Variants in CACNA2D2 observed in about 807,000 individuals in gnomAD.
CACNA2D2 encodes calcium voltage-gated channel auxiliary subunit alpha2delta 2, also known as voltage-dependent calcium channel subunit alpha-2/delta-2.
Under a neutral mutation model 166.4 loss-of-function variants are expected in CACNA2D2, and 48 were observed. That is an observed-to-expected ratio of 0.29 (90% confidence interval 0.23 to 0.37). The LOEUF is 0.37. CACNA2D2 is among the 10% of genes least tolerant of loss of function. CACNA2D2 has a pLI of 1.00. For synonymous variants in CACNA2D2, 561 were observed against 573.7 expected (o/e 0.98, Z 0.32); for missense variants, 1,122 against 1,433.0 (o/e 0.78, Z 3.50).
At chr3:50,455,947 T>C (rs1040033404) in intron 2 of CACNA2D2, among the ~76,000 whole-genome samples, 1 of 152,108 alleles carries the variant, frequency 6.6e-6, no homozygotes, top group Non-Finnish European at 1.5e-5. Context: ...TCCCCAGCTA[T>C]GCATTGTCAA....
At chr3:50,399,430 G>A (rs573475326) in intron 3 of CACNA2D2, among the ~76,000 whole-genome samples, 1 of 152,326 alleles carries the variant, frequency 6.6e-6, no homozygotes, top group Non-Finnish European at 1.5e-5. Context: ...TTGAGATCTA[G>A]GGCACTGAGG....
In CACNA2D2 at chr3:50,364,609, T is replaced by G. The variant is rs1229200250; in HGVS notation, c.*57A>C. 34 of 1,398,972 alleles carry G rather than the reference T, an allele frequency of 2.4e-5. No individual in the cohort carries two copies. The highest frequency in any genetic ancestry group is 2.6e-4 in the Middle Eastern group (1 of 3,916). The allele number at this position is 1,398,972 out of a possible 1,614,324, so 86.7% of individuals were successfully genotyped here. A position where few individuals can be genotyped will look rare whatever the true frequency, so the allele number is the denominator to read the frequency against. The stretch of plus-strand genomic sequence containing the variant: ...AGGCGGGGAGTGTGGGGCAGGAGGG[T>G]GGGAAAGGCGAAGAGGCCGGGTGAG... On this transcript the variant is annotated 3_prime_UTR_variant, in exon 38 of 38. Transcript: ENST00000424201.
rs761580133 is a variant in CACNA2D2, at chr3:50,365,036, G to T, written c.3208+39C>A. On this transcript the variant is annotated intron_variant, in intron 36 of 37. Coordinates refer to ENST00000424201, the MANE Select transcript of CACNA2D2 (RefSeq NM_006030.4). This position sits in a 1 kb window ranked among gnomAD's most constrained non-coding sequence, Gnocchi z 4.5. The stretch of plus-strand genomic sequence containing the variant: ...CGGCACGGAGGGGGCGCGCGGGGCA[G>T]AGGGGGAGCGGGCGGCGGGGAGGGC... The T allele has an allele frequency of 1.3e-6, 2 of 1,597,116 alleles. No individual in the cohort carries two copies. The highest frequency in any genetic ancestry group is 2.7e-5 in the African/African-American group (2 of 74,574).
intron 3 of CACNA2D2, among the ~76,000 whole-genome samples, chr3:50,410,480 T>TGG (rs34908525): frequency 0.069 from 9,670 of 141,046 alleles, 962 homozygotes; most frequent in African/African-American, 0.21. Context: ...CTCCCTGGGA[T>TGG]GGGGGGGGGG....
chr3:50,440,623 G>A (rs1365416203), intron 2 of CACNA2D2, among the ~76,000 whole-genome samples: 2 of 152,230 alleles, frequency 1.3e-5, no homozygotes, highest in African/African-American at 4.8e-5. Flanking sequence ...CTACAGTGGA[G>A]GTCACACAGC....
intron 2 of CACNA2D2, among the ~76,000 whole-genome samples, chr3:50,472,563 G>A (rs1575743629): frequency 6.6e-6 from 1 of 151,830 alleles, no homozygotes; most frequent in African/African-American, 2.4e-5. Flanking sequence ...AATGCATCCC[G>A]GGGCTGGCAT....
Position 50,364,598 on chromosome 3 carries a change from G to T in CACNA2D2, c.*68C>A. ...ACGAGGCTCTAAGGCGGGGAGTGTG[G>T]GGCAGGAGGGTGGGAAAGGCGAAGA... is the stretch of plus-strand genomic sequence containing the variant. On this transcript the variant is annotated 3_prime_UTR_variant, in exon 38 of 38. Transcript: ENST00000424201. 2 of 1,440,656 alleles carry T rather than the reference G, an allele frequency of 1.4e-6. No individual in the cohort carries two copies. 89.2% of individuals were successfully genotyped at this position (1,440,656 alleles called of 1,614,324 possible).
At chr3:50,472,450 C>G (rs887963330) in intron 2 of CACNA2D2, among the ~76,000 whole-genome samples, 10 of 152,258 alleles carry the variant, frequency 6.6e-5, no homozygotes, top group South Asian at 2.1e-4. Flanking sequence ...TGCTTCTAGC[C>G]CAGCTCTGGC....
chr3:50,399,174 G>A (rs1056442809), intron 3 of CACNA2D2, among the ~76,000 whole-genome samples: 4 of 152,168 alleles, frequency 2.6e-5, no homozygotes, highest in East Asian at 1.9e-4. Flanking sequence ...CCCCAGGCTA[G>A]GTGCTCCACA....
rs746661890 is a variant in CACNA2D2 at position 50,379,251 on chromosome 3, G to C, written c.1153-52C>G. 17 of 1,526,412 alleles carry C rather than the reference G, an allele frequency of 1.1e-5. No homozygotes were observed. In the East Asian group the frequency reaches 1.4e-4, roughly 12 times the overall value. 94.6% of individuals were successfully genotyped at this position (1,526,412 alleles called of 1,614,324 possible). A position where few individuals can be genotyped will look rare whatever the true frequency, so the allele number is the denominator to read the frequency against. On this transcript the variant is annotated intron_variant, in intron 11 of 37. Transcript: ENST00000424201. The surrounding 1 kb of genome is among the most constrained non-coding windows in gnomAD (Gnocchi z 6.5). ...AGCTCTCAGCCCTCCCTGGTCCAGG[G>C]GCAGGGCCTCCCTCCCGCAGTGGGC... is the stretch of plus-strand genomic sequence containing the variant.
intron 3 of CACNA2D2, among the ~76,000 whole-genome samples, chr3:50,408,341 C>T (rs1706822149): frequency 6.6e-6 from 1 of 152,216 alleles, no homozygotes; most frequent in Non-Finnish European, 1.5e-5. Context: ...TAGGCTGTCA[C>T]TCTGCTGGAT....
chr3:50,460,146 A>C (rs1431202717), intron 2 of CACNA2D2, among the ~76,000 whole-genome samples: 1 of 152,246 alleles, frequency 6.6e-6, no homozygotes, highest in East Asian at 1.9e-4. Flanking sequence ...TGTTTTTTAA[A>C]ATTAAAGAAA....
At position 50,503,386 on chromosome 3, in the gene CACNA2D2, G is replaced by T; in HGVS notation, c.38C>A (p.Pro13His). 4.0e-6 allele frequency: 1 copy of T among 248,736 alleles called. No homozygotes were observed. The highest frequency in any genetic ancestry group is 7.6e-6 in the Non-Finnish European group (1 of 132,098). The allele number at this position is 248,736 out of a possible 1,614,324, so 15.4% of individuals were successfully genotyped here. Residue 13 changes from proline to histidine, a missense_variant, in exon 1 of 38, where the codon CCC becomes CAC. Physicochemically the swap from Pro to His is moderately conservative, Grantham distance 77 (BLOSUM62 -2). Coordinates refer to ENST00000424201, the MANE Select transcript of CACNA2D2 (RefSeq NM_006030.4). ...GGGGCGCGCAGTCCGCGCTGGGCCG[G>T]GCCGAGAGGCGCCGCAGGTCCGAGC... ...VPARTCGASR[P>H]GPARTARPWP...
intron 22 of CACNA2D2, among the ~76,000 whole-genome samples, chr3:50,373,435 G>A (rs944578399): frequency 7.0e-6 from 1 of 143,660 alleles, no homozygotes; most frequent in East Asian, 2.2e-4. Context: ...GGCCCAGGAT[G>A]AGCAGGGCAT....
intron 1 of CACNA2D2, among the ~76,000 whole-genome samples, chr3:50,479,601 T>C (rs751593642): frequency 6.6e-6 from 1 of 152,218 alleles, no homozygotes; most frequent in Non-Finnish European, 1.5e-5. Flanking sequence ...ACCTGCACTG[T>C]TCCTGCCTTG....
In CACNA2D2 at chr3:50,366,297, C is replaced by T. The variant is rs2109403510; in HGVS notation, c.2679G>A (p.Val893=). The T allele has an allele frequency of 1.2e-6, 2 of 1,614,096 alleles. No individual in the cohort carries two copies. The highest frequency in any genetic ancestry group is 1.7e-6 in the Non-Finnish European group (2 of 1,180,008). ...CVLIDDGGFL[V]LSNQNHQWDQ... is the part of the protein sequence containing the mutation. Reference sequence around the variant, plus strand: ...CCCACTGATGGTTCTGGTTTGACAGCACCAGGAATCCTCCATCATCAATGA... The same window carrying T: ...CCCACTGATGGTTCTGGTTTGACAGTACCAGGAATCCTCCATCATCAATGA... The change falls in exon 31 of 38, where the codon GTG becomes GTA. Residue 893 remains valine, a synonymous_variant. Coordinates refer to ENST00000424201, the MANE Select transcript of CACNA2D2 (RefSeq NM_006030.4). The surrounding 1 kb of genome is among the most constrained non-coding windows in gnomAD (Gnocchi z 5.9).
intron 3 of CACNA2D2, among the ~76,000 whole-genome samples, chr3:50,416,432 A>G (rs1707265027): frequency 6.6e-6 from 1 of 152,228 alleles, no homozygotes; most frequent in African/African-American, 2.4e-5. Context: ...CAAGGCCCAG[A>G]GAAATGTTTC....
chr3:50,503,125 T>C, intron 1 of CACNA2D2, 93 bp downstream of exon 1: 4 of 721,944 alleles, frequency 5.5e-6, no homozygotes, highest in Non-Finnish European at 7.3e-6. Context: ...GCCTCTGCCC[T>C]GGCGCGGAGC....
At position 50,379,719 on chromosome 3, in the gene CACNA2D2, A is replaced by G. The variant is rs375858047; in HGVS notation, c.993+6T>C. 8.1e-6 allele frequency: 13 copies of G among 1,613,376 alleles called. No individual in the cohort carries two copies. The highest frequency in any genetic ancestry group is 1.1e-5 in the Non-Finnish European group (13 of 1,179,720). On this transcript the variant is annotated splice_donor_region_variant and intron_variant, in intron 10 of 37. Coordinates refer to ENST00000424201, the MANE Select transcript of CACNA2D2 (RefSeq NM_006030.4). This position sits in a 1 kb window ranked among gnomAD's most constrained non-coding sequence, Gnocchi z 6.5. ...ATTTCACCCCGTCTGCCACCTTGGC[A>G]CTCACCGAGGCCACATTCACATAGT...
Sources: gnomAD v4.1 joint callset for allele counts (sites outside exome capture counted in the v4.1 genomes callset) on GRCh38, gnomAD v4.1.1 for gene constraint, Gnocchi (gnomAD v3.1) non-coding constraint, MANE v1.5 for transcripts, NCBI Gene and HGNC (gene_info 2026-07-23, HGNC 2026-07-21) for gene names.